Variants in FBN3 observed in about 807,000 individuals in gnomAD.
The protein encoded by FBN3 is fibrillin-3.
Under a neutral mutation model 330.1 loss-of-function variants are expected in FBN3, and 234 were observed. The observed-to-expected ratio is 0.71, with a 90% CI of 0.64 to 0.79. FBN3 has a LOEUF of 0.79. Ranked by LOEUF, FBN3 falls within the 30% of genes least tolerant of loss-of-function variation. The pLI is 0.00. For missense variants in FBN3, 3,606 were observed against 3,886.9 expected, an observed-to-expected ratio of 0.93 and a Z score of 1.92; for synonymous variants, 1,458 against 1,517.3, an observed-to-expected ratio of 0.96 and a Z score of 0.91.
In FBN3 at chr19:8,109,612, G is replaced by T. The variant is rs775957445; in HGVS notation, c.4456+19C>A. On this transcript the variant is annotated intron_variant, in intron 35 of 63. Transcript: ENST00000600128. This position sits in a 1 kb window ranked among gnomAD's most constrained non-coding sequence, Gnocchi z 5.2. The stretch of plus-strand genomic sequence containing the variant: ...CTGCTGACCCCAGAACCCTGATCTG[G>T]AGTTGAGCATGGACTCACCCACGCA... 5 of 1,585,592 alleles carry T rather than the reference G, an allele frequency of 3.2e-6. No homozygotes were observed. In the Admixed American group the frequency reaches 8.8e-5, roughly 28 times the overall value.
At chr19:8,130,615 A>AGGAAGGAAGGAAGGAAGGAAGGAAG (rs1164669344) in intron 16 of FBN3, among the ~76,000 whole-genome samples, 2 of 10,084 alleles carry the variant, frequency 2.0e-4, no homozygotes, top group African/African-American at 9.4e-4. Context: ...AAAGAAAGAA[A>AGGAAGGAAGGAAGGAAGGAAGGAAG]GAAAGAAAGA....
chr19:8,126,174 A>T, intron 21 of FBN3, 123 bp downstream of exon 21: 1 of 1,410,450 alleles, frequency 7.1e-7, no homozygotes, highest in East Asian at 2.4e-5. Context: ...AGGTAGGGAG[A>T]ACGTCTGTCC....
At position 8,100,944 on chromosome 19, in the gene FBN3, C is replaced by G; in HGVS notation, c.5118G>C (p.Gln1706His). ...GGATGTCAGTGAGGAATCCCGGGGC[C>G]TGATTTCCACACAGGATCTGGTAGT... is the stretch of plus-strand genomic sequence containing the variant. ...SPDYQILCGN[Q>H]APGFLTDIHT... Residue 1706 changes from glutamine (Q) to histidine (H), a missense_variant, in exon 41 of 64, where the codon CAG becomes CAC. Gln to His is a conservative substitution (Grantham distance 24). Coordinates refer to ENST00000600128, the MANE Select transcript of FBN3 (RefSeq NM_032447.5). 6.2e-7 allele frequency: 1 copy of G among 1,613,778 alleles called. No homozygotes were observed. Among genetic ancestry groups the G allele is most frequent in the Non-Finnish European group, 8.5e-7 (1 of 1,179,892 alleles).
At chr19:8,082,025 G>A (rs1233583262) in intron 57 of FBN3, among the ~76,000 whole-genome samples, 3 of 151,636 alleles carry the variant, frequency 2.0e-5, no homozygotes, top group Non-Finnish European at 2.9e-5. Flanking sequence ...ATGCGATGGC[G>A]CAATCTCAGC....
intron 13 of FBN3, 25 bp downstream of exon 13, chr19:8,135,936 G>GGCACCCCCCCC: frequency 1.5e-6 from 1 of 668,778 alleles, no homozygotes; most frequent in Non-Finnish European, 2.4e-6. Context: ...GGAAGCCCCT[G>GGCACCCCCCCC]CCCACCCGCC....
In FBN3 at chr19:8,066,063, C is replaced by G. The variant is rs2081382618; in HGVS notation, c.8286G>C (p.Gln2762His). The G allele has an allele frequency of 5.0e-6, 8 of 1,613,368 alleles. No homozygotes were observed. Among genetic ancestry groups the G allele is most frequent in the Non-Finnish European group, 5.9e-6 (7 of 1,179,984 alleles). ...CAGGCCCCGGCCGCCTCCGCCCCAG[C>G]TGCAGGGAGCTGACGCCACGGAGGT... is the stretch of plus-strand genomic sequence containing the variant. ...MHHLRGVSSL[Q>H]LGRRRPGPGT... is the part of the protein sequence containing the mutation. Residue 2762 changes from glutamine (Q) to histidine (H), a missense_variant, in exon 64 of 64, where the codon CAG (glutamine) becomes CAC (histidine). Gln to His is a conservative substitution (Grantham distance 24). Coordinates refer to ENST00000600128, the MANE Select transcript of FBN3 (RefSeq NM_032447.5).
At chr19:8,081,501 T>C (rs1205099190) in intron 57 of FBN3, 21 bp from the exon 58 acceptor site, 2 of 1,585,910 alleles carry the variant, frequency 1.3e-6, no homozygotes, top group Non-Finnish European at 1.7e-6. Context: ...ACAGCGTGGG[T>C]AGTGGGGCGG....
rs1019866837 is a variant in FBN3, at chr19:8,094,438, A to C, written c.5905+8T>G. On this transcript the variant is annotated splice_region_variant and intron_variant, in intron 47 of 63. Transcript: ENST00000600128. ...GCGCCAGAAACGGGAGTGGGGCTGG[A>C]CACTCACCAATGCAGTGGTCACTCT... is the stretch of plus-strand genomic sequence containing the variant. The C allele has an allele frequency of 6.2e-7, 1 of 1,608,396 alleles. No homozygotes were observed. The highest frequency in any genetic ancestry group is 1.3e-5 in the African/African-American group (1 of 74,790).
chr19:8,071,089 G>A (rs1307306161), intron 63 of FBN3, among the ~76,000 whole-genome samples: 1 of 151,970 alleles, frequency 6.6e-6, no homozygotes, highest in Non-Finnish European at 1.5e-5. Flanking sequence ...GAGAGGCTGT[G>A]AACAGAGAGC....
At chr19:8,089,854 G>T in intron 50 of FBN3, 40 bp downstream of exon 50, 1 of 1,558,318 alleles carries the variant, frequency 6.4e-7, no homozygotes, top group Admixed American at 2.0e-5. Context: ...GGATCTGGGT[G>T]GCCCAGAAGG....
At chr19:8,095,589 G>A in intron 45 of FBN3, 86 bp from the exon 46 acceptor site, 7 of 1,458,598 alleles carry the variant, frequency 4.8e-6, no homozygotes, top group Non-Finnish European at 6.6e-6. Flanking sequence ...CAACTGAGTT[G>A]AGCTGACAGC....
At chr19:8,107,412 G>C (rs2082466928) in intron 37 of FBN3, among the ~76,000 whole-genome samples, 1 of 151,268 alleles carries the variant, frequency 6.6e-6, no homozygotes, top group African/African-American at 2.4e-5. Context: ...TGGATGGGTG[G>C]AAGGATGAAT....
chr19:8,075,843 G>A (rs1392282668), intron 59 of FBN3, among the ~76,000 whole-genome samples: 1 of 152,192 alleles, frequency 6.6e-6, no homozygotes, highest in Admixed American at 6.5e-5. Context: ...ATGACATAGG[G>A]TTGCCTGTTG....
At chr19:8,110,676 A>G (rs1421209765) in intron 34 of FBN3, among the ~76,000 whole-genome samples, 169 bp downstream of exon 34, 2 of 152,202 alleles carry the variant, frequency 1.3e-5, no homozygotes, top group African/African-American at 4.8e-5. Flanking sequence ...TAGCAGGCGA[A>G]CAGGAACGGG....
chr19:8,115,519 G>A lies in FBN3; in HGVS notation c.3834C>T (p.Cys1278=), dbSNP rs776704520. 1.2e-6 allele frequency: 2 copies of A among 1,613,640 alleles called. No homozygotes were observed. Among genetic ancestry groups the A allele is most frequent in the Non-Finnish European group, 1.7e-6 (2 of 1,179,998 alleles). The part of the protein sequence containing the change: ...GYMVRKGATG[C]SDVDECEVGG... ...CACCGCTGACCGCCGGCTCACCAGA[G>A]CAGCCTGTGGCCCCCTTCCTGACCA... Residue 1278 remains cysteine, a synonymous_variant, in exon 30 of 64, where the codon TGC becomes TGT. Coordinates refer to ENST00000600128, the MANE Select transcript of FBN3 (RefSeq NM_032447.5).
intron 13 of FBN3, among the ~76,000 whole-genome samples, chr19:8,133,403 T>C (rs1283000191): frequency 2.6e-5 from 4 of 152,206 alleles, no homozygotes; most frequent in African/African-American, 9.7e-5. Flanking sequence ...ATTTATTAAA[T>C]ATCAGTGAAT....
At chr19:8,104,471 T>A (rs1599351199) in intron 38 of FBN3, among the ~76,000 whole-genome samples, 1 of 142,196 alleles carries the variant, frequency 7.0e-6, no homozygotes, top group African/African-American at 2.7e-5. Context: ...ACACTGGCTC[T>A]AAAAAAAAAA....
rs1397858023 is a variant in FBN3, at chr19:8,145,920, C to A, written c.368G>T (p.Ser123Ile). Residue 123 changes from serine (S) to isoleucine (I), a missense_variant, in exon 5 of 64, where the codon AGC becomes ATC. Coordinates refer to ENST00000600128, the MANE Select transcript of FBN3 (RefSeq NM_032447.5). ...CCGGCAGGTGCCCCCATTCATACAG[C>A]TCACACTGCACCCTGACCCTGGGGA... ...GVSRGSGCSV[S>I]CMNGGTCRGA... 1.3e-6 allele frequency: 2 copies of A among 1,551,320 alleles called. No individual in the cohort carries two copies. Among genetic ancestry groups the A allele is most frequent in the Non-Finnish European group, 1.7e-6 (2 of 1,146,978 alleles).
chr19:8,070,799 G>T (rs1262340753), intron 63 of FBN3, among the ~76,000 whole-genome samples: 2 of 152,076 alleles, frequency 1.3e-5, no homozygotes, highest in Admixed American at 1.3e-4. Flanking sequence ...GAGCCGGGTG[G>T]ATCACCTGAG....
Sources: allele counts gnomAD v4.1 joint callset (sites outside exome capture counted in the v4.1 genomes callset), GRCh38; gene constraint gnomAD v4.1.1; non-coding constraint Gnocchi (gnomAD v3.1); transcripts MANE v1.5; gene names NCBI Gene and HGNC (gene_info 2026-07-23, HGNC 2026-07-21).